Variants in ZMYND8 observed in about 807,000 individuals in gnomAD.
ZMYND8 encodes zinc finger MYND-type containing 8.
A neutral mutation model predicts 140.8 loss-of-function variants in ZMYND8; 37 were observed. The observed-to-expected ratio is 0.26, with a 90% CI of 0.20 to 0.35. ZMYND8 has a LOEUF of 0.35. Among genes scored for constraint, ZMYND8 ranks in the 10% least tolerant of loss-of-function variants. The pLI, the probability that ZMYND8 is intolerant of heterozygous loss-of-function variation, is 1.00. For synonymous variants in ZMYND8, 592 were observed against 597.1 expected (o/e 0.99, Z 0.12); for missense variants, 1,068 against 1,570.0 (o/e 0.68, Z 5.40).
intron 16 of ZMYND8, among the ~76,000 whole-genome samples, chr20:47,230,799 A>G (rs963906228): frequency 6.6e-6 from 1 of 152,004 alleles, no homozygotes; most frequent in African/African-American, 2.4e-5. Flanking sequence ...CATTACCCCA[A>G]AAAGAAAATC....
chr20:47,329,409 A>AT (rs534953261), intron 2 of ZMYND8, among the ~76,000 whole-genome samples: 1,907 of 148,036 alleles, frequency 0.013, 47 homozygotes, highest in African/African-American at 0.042. Flanking sequence ...TGTAAATCTA[A>AT]TTTTTTTTTT....
intron 2 of ZMYND8, among the ~76,000 whole-genome samples, chr20:47,338,388 G>A (rs944334305): frequency 5.3e-5 from 8 of 151,886 alleles, no homozygotes; most frequent in Admixed American, 5.2e-4. Flanking sequence ...TGTCACAGGG[G>A]AACAGAGTCC....
chr20:47,234,619 A>G (rs1272414531), intron 16 of ZMYND8, among the ~76,000 whole-genome samples: 1 of 152,228 alleles, frequency 6.6e-6, no homozygotes, highest in Non-Finnish European at 1.5e-5. Flanking sequence ...AGGATAATAA[A>G]GGTGTGTGCT....
intron 2 of ZMYND8, among the ~76,000 whole-genome samples, chr20:47,321,844 A>G (rs2079977806): frequency 6.6e-6 from 1 of 151,486 alleles, no homozygotes; most frequent in African/African-American, 2.4e-5. Context: ...GATTTATTTA[A>G]AACTCGCCGC....
intron 19 of ZMYND8, among the ~76,000 whole-genome samples, chr20:47,221,812 C>T (rs1308282880): frequency 6.6e-6 from 1 of 152,186 alleles, no homozygotes; most frequent in Non-Finnish European, 1.5e-5. Flanking sequence ...GACTCAGGTG[C>T]ACACCACCAT....
intron 21 of ZMYND8, among the ~76,000 whole-genome samples, chr20:47,217,342 GTC>G (rs1457829256): frequency 6.6e-6 from 1 of 152,194 alleles, no homozygotes; most frequent in East Asian, 1.9e-4. Flanking sequence ...GCAAGCATGA[GTC>G]TGGATTGCAA....
intron 2 of ZMYND8, among the ~76,000 whole-genome samples, chr20:47,316,156 C>T (rs566727041): frequency 1.2e-3 from 188 of 152,006 alleles, no homozygotes; most frequent in African/African-American, 4.4e-3. Flanking sequence ...CATGGTGAAA[C>T]CCCGTCTCTA....
chr20:47,305,299 T>A (rs1404551149), intron 3 of ZMYND8, among the ~76,000 whole-genome samples: 11 of 150,956 alleles, frequency 7.3e-5, no homozygotes, highest in Non-Finnish European at 1.6e-4. Context: ...CAGGCTGGAG[T>A]GCAGTGGTGC....
intron 14 of ZMYND8, among the ~76,000 whole-genome samples, chr20:47,244,934 G>GT (rs1258521312): frequency 1.3e-5 from 2 of 152,072 alleles, no homozygotes; most frequent in Non-Finnish European, 2.9e-5. Flanking sequence ...GCAGGTGCCT[G>GT]TAATCCCAGT....
Position 47,283,656 on chromosome 20 carries a change from G to A in ZMYND8, c.805-8C>T, listed in dbSNP as rs2076743554. ...TACTTCGATTTCATTCATCTGTAAAGCAAAAATACATTAGAATGTGTCACC... is the reference window on the plus strand; with the variant it reads ...TACTTCGATTTCATTCATCTGTAAAACAAAAATACATTAGAATGTGTCACC... On this transcript the variant is annotated splice_region_variant and splice_polypyrimidine_tract_variant and intron_variant, in intron 8 of 22. Coordinates refer to ENST00000471951, the MANE Select transcript of ZMYND8 (RefSeq NM_001281775.3). The A allele has an allele frequency of 1.2e-6, 2 of 1,613,388 alleles. No individual in the cohort carries two copies. Among genetic ancestry groups the A allele is most frequent in the Non-Finnish European group, 1.7e-6 (2 of 1,179,746 alleles).
In ZMYND8 at chr20:47,290,269, C is replaced by T. The variant is rs141430390; in HGVS notation, c.666G>A (p.Ala222=). 2.0e-5 allele frequency: 32 copies of T among 1,613,116 alleles called. No individual in the cohort carries two copies. In the Middle Eastern group the frequency reaches 8.3e-4, roughly 42 times the overall value. Residue 222 remains alanine, a synonymous_variant, in exon 7 of 23, where the codon GCG becomes GCA. Coordinates refer to ENST00000471951, the MANE Select transcript of ZMYND8 (RefSeq NM_001281775.3). ...PMDLCTLEKN[A]KKKMYGCTEA... is the part of the protein sequence containing the mutation. ...CTGTGCAGCCATACATTTTCTTTTTCGCATTCTGGGAAGAAAAGCGATGGA... is the reference window on the plus strand; with the variant it reads ...CTGTGCAGCCATACATTTTCTTTTTTGCATTCTGGGAAGAAAAGCGATGGA...
At chr20:47,286,724 G>C (rs1197947022) in intron 8 of ZMYND8, among the ~76,000 whole-genome samples, 1 of 152,144 alleles carries the variant, frequency 6.6e-6, no homozygotes, top group African/African-American at 2.4e-5. Context: ...ACAACCACCA[G>C]AGCCTCACAG....
intron 1 of ZMYND8, chr20:47,353,304 A>G (rs1242303990): frequency 6.6e-6 from 1 of 152,232 alleles, no homozygotes; most frequent in Non-Finnish European, 1.5e-5. Context: ...GACAAGAAAG[A>G]AAGGAAAAAA....
At chr20:47,300,191 T>C (rs2077920691) in intron 3 of ZMYND8, among the ~76,000 whole-genome samples, 1 of 152,158 alleles carries the variant, frequency 6.6e-6, no homozygotes, top group Non-Finnish European at 1.5e-5. Context: ...CGAAATCCTA[T>C]TTAGGAAGTA....
At chr20:47,280,691 A>G (rs1299031575) in intron 10 of ZMYND8, among the ~76,000 whole-genome samples, 1 of 152,160 alleles carries the variant, frequency 6.6e-6, no homozygotes, top group Non-Finnish European at 1.5e-5. Flanking sequence ...AGAATCTCAA[A>G]TCATCAAGAT....
At chr20:47,214,515 A>G (rs2035779339) in intron 21 of ZMYND8, among the ~76,000 whole-genome samples, 1 of 152,138 alleles carries the variant, frequency 6.6e-6, no homozygotes, top group Admixed American at 6.5e-5. Flanking sequence ...TGTTTTTGAG[A>G]CACAGTCTCA....
intron 10 of ZMYND8, among the ~76,000 whole-genome samples, chr20:47,281,569 G>A (rs770002792): frequency 6.6e-6 from 1 of 152,172 alleles, no homozygotes; most frequent in African/African-American, 2.4e-5. Context: ...TGTACGGAGG[G>A]AAAGGGGAGG....
At position 47,298,375 on chromosome 20, in the gene ZMYND8, C is replaced by T. The variant is rs1457928011; in HGVS notation, c.453+354G>A. 5 of 985,340 alleles carry T rather than the reference C, an allele frequency of 5.1e-6. No homozygotes were observed. Among genetic ancestry groups the T allele is most frequent in the Non-Finnish European group, 4.8e-6 (4 of 829,912 alleles). 61.0% of individuals were successfully genotyped at this position (985,340 alleles called of 1,614,324 possible). ...ATGCGGCAGGCAACAACATCCAAGA[C>T]GGAGAAAACAGAATGAGATCTTTTC... On this transcript the variant is annotated intron_variant, in intron 4 of 22. Coordinates refer to ENST00000471951, the MANE Select transcript of ZMYND8 (RefSeq NM_001281775.3). This position sits in a 1 kb window ranked among gnomAD's most constrained non-coding sequence, Gnocchi z 5.0.
chr20:47,329,206 G>A (rs1168410725), intron 2 of ZMYND8, among the ~76,000 whole-genome samples: 2 of 152,168 alleles, frequency 1.3e-5, no homozygotes, highest in African/African-American at 4.8e-5. Flanking sequence ...ACAGCATTCA[G>A]CACAGCATGC....
Sources: allele counts gnomAD v4.1 joint callset (sites outside exome capture counted in the v4.1 genomes callset), GRCh38; gene constraint gnomAD v4.1.1; non-coding constraint Gnocchi (gnomAD v3.1); transcripts MANE v1.5; gene names NCBI Gene and HGNC (gene_info 2026-07-23, HGNC 2026-07-21).